ATRNL1: variants seen among roughly 807,000 people sequenced by gnomAD.
ATRNL1 encodes the protein attractin-like protein 1.
In ATRNL1, 95 loss-of-function variants were observed where a neutral mutation model predicts 182.7. That is an observed-to-expected ratio of 0.52 (90% CI 0.44 to 0.62). The LOEUF is 0.62. ATRNL1 is among the 20% of genes least tolerant of loss of function. ATRNL1 has a pLI of 0.00. For synonymous variants in ATRNL1, 576 were observed against 568.3 expected, an observed-to-expected ratio of 1.01 and a Z score of -0.19; for missense variants, 1,471 against 1,679.5, an observed-to-expected ratio of 0.88 and a Z score of 2.17.
chr10:115,434,396 C>T (rs1204626184), intron 21 of ATRNL1, among the ~76,000 whole-genome samples: 5 of 151,922 alleles, frequency 3.3e-5, no homozygotes, highest in Non-Finnish European at 7.4e-5. Context: ...CTTATTATTC[C>T]CATTTTATAG....
chr10:115,924,379 G>A (rs1953156596), intron 28 of ATRNL1, among the ~76,000 whole-genome samples: 2 of 151,796 alleles, frequency 1.3e-5, no homozygotes, highest in African/African-American at 4.8e-5. Context: ...TTAATGGATT[G>A]GGGTTTTACA....
intron 26 of ATRNL1, among the ~76,000 whole-genome samples, chr10:115,595,906 A>G (rs1555013790): frequency 6.6e-6 from 1 of 152,198 alleles, no homozygotes; most frequent in Non-Finnish European, 1.5e-5. Flanking sequence ...TTTCACTAAT[A>G]TATCAGACAA....
intron 1 of ATRNL1, among the ~76,000 whole-genome samples, chr10:115,098,932 A>G (rs2085089488): frequency 1.3e-5 from 2 of 152,232 alleles, no homozygotes; most frequent in Admixed American, 1.3e-4. Flanking sequence ...ATAATTGTCA[A>G]ACAGCACAAT....
intron 27 of ATRNL1, among the ~76,000 whole-genome samples, chr10:115,814,365 A>G (rs1212442607): frequency 2.6e-5 from 4 of 152,180 alleles, no homozygotes; most frequent in Non-Finnish European, 5.9e-5. Flanking sequence ...GAGAATTTTC[A>G]AGACTCATTA....
intron 20 of ATRNL1, among the ~76,000 whole-genome samples, chr10:115,425,129 G>A (rs1241220751): frequency 6.6e-6 from 1 of 151,870 alleles, no homozygotes; most frequent in African/African-American, 2.4e-5. Flanking sequence ...GCACATGGCT[G>A]AAAAATGCAT....
In ATRNL1 at chr10:115,565,486, A is replaced by G. The variant is rs554569181; in HGVS notation, c.3795+15950A>G. The stretch of plus-strand genomic sequence containing the variant: ...TGGTTATTATGTTATGCAAGTATAC[A>G]TTTGTACCATGTTATTGTGTTGAGT... On this transcript the variant is annotated intron_variant, in intron 26 of 28. Coordinates refer to ENST00000355044, the MANE Select transcript of ATRNL1 (RefSeq NM_207303.4). Among the ~76,000 whole-genome samples, 3 of 152,236 alleles carry G rather than the reference A, an allele frequency of 2.0e-5. No homozygotes were observed. In the East Asian group the frequency reaches 5.8e-4, roughly 29 times the overall value.
chr10:115,620,731 G>C (rs1857685282), intron 26 of ATRNL1, among the ~76,000 whole-genome samples: 1 of 152,046 alleles, frequency 6.6e-6, no homozygotes, highest in Non-Finnish European at 1.5e-5. Flanking sequence ...ATTTATTAAG[G>C]TATTTCTGAC....
intron 9 of ATRNL1, among the ~76,000 whole-genome samples, chr10:115,231,586 G>A (rs1849955217): frequency 6.6e-6 from 1 of 152,132 alleles, no homozygotes; most frequent in Non-Finnish European, 1.5e-5. Context: ...TCAAGAAGAT[G>A]TAAGAAATGA....
intron 19 of ATRNL1, among the ~76,000 whole-genome samples, chr10:115,368,944 C>T (rs1448841070): frequency 6.6e-6 from 1 of 151,986 alleles, no homozygotes; most frequent in African/African-American, 2.4e-5. Flanking sequence ...GAACTCCTGA[C>T]CTCAGGTGAT....
rs189998902 is a variant in ATRNL1 at position 115,291,286 on chromosome 10, A to G, written c.2415+4889A>G. Among the ~76,000 whole-genome samples, 112 of 152,208 alleles carry G rather than the reference A, an allele frequency of 7.4e-4. 1 individual carries two copies. The highest frequency in any genetic ancestry group is 1.5e-3 in the Non-Finnish European group (101 of 68,006). The stretch of plus-strand genomic sequence containing the variant: ...GGACACTTTGACTTCTTCTGTTTCA[A>G]TTTGGATGTCTTTTATTTCTTCTGT... On this transcript the variant is annotated intron_variant, in intron 15 of 28. Transcript: ENST00000355044.
chr10:115,160,616 A>G (rs1213156455), intron 6 of ATRNL1, among the ~76,000 whole-genome samples: 1 of 151,766 alleles, frequency 6.6e-6, no homozygotes, highest in African/African-American at 2.4e-5. Flanking sequence ...TTTACTTTGT[A>G]TGTGCTTTAC....
intron 26 of ATRNL1, among the ~76,000 whole-genome samples, chr10:115,667,041 A>C (rs77640633): frequency 6.6e-6 from 1 of 152,092 alleles, no homozygotes; most frequent in Non-Finnish European, 1.5e-5. Flanking sequence ...CTTTTATATG[A>C]ATATGTACAT....
chr10:115,776,168 A>G lies in ATRNL1; in HGVS notation c.3903+48813A>G, dbSNP rs531771841. On this transcript the variant is annotated intron_variant, in intron 27 of 28. Coordinates refer to ENST00000355044, the MANE Select transcript of ATRNL1 (RefSeq NM_207303.4). ...TTAAAATAAATGAGATAGTTCAGGA[A>G]TAAGTGGTATATTATCTAGCGAGTA... 1.6e-3 allele frequency among the ~76,000 whole-genome samples: 243 copies of G among 152,292 alleles called. 11 individuals carry two copies. In the South Asian group the frequency reaches 0.049, roughly 31 times the overall value.
intron 26 of ATRNL1, among the ~76,000 whole-genome samples, chr10:115,590,128 C>T (rs1331669576): frequency 2.6e-5 from 4 of 152,100 alleles, no homozygotes; most frequent in Non-Finnish European, 5.9e-5. Context: ...AGAGCCTGAT[C>T]GTTAAAAGAT....
chr10:115,313,300 T>G (rs1554928537), intron 17 of ATRNL1, among the ~76,000 whole-genome samples: 3 of 152,126 alleles, frequency 2.0e-5, no homozygotes, highest in African/African-American at 7.2e-5. Context: ...CAACTGTGCT[T>G]TTTTCATTTC....
chr10:115,209,422 G>GT (rs76528860), intron 8 of ATRNL1, among the ~76,000 whole-genome samples: 2,700 of 119,030 alleles, frequency 0.023, 40 homozygotes, highest in African/African-American at 0.048. Context: ...TTTTTATTTT[G>GT]TTTTTTTTTT....
At chr10:115,361,549 C>T (rs1391129717) in intron 19 of ATRNL1, among the ~76,000 whole-genome samples, 11 of 152,140 alleles carry the variant, frequency 7.2e-5, no homozygotes, top group Admixed American at 7.2e-4. Flanking sequence ...CATGTATTTT[C>T]ATACATATGC....
At chr10:115,601,261 A>G (rs1050900986) in intron 26 of ATRNL1, among the ~76,000 whole-genome samples, 12 of 152,176 alleles carry the variant, frequency 7.9e-5, no homozygotes, top group African/African-American at 2.9e-4. Flanking sequence ...GACCATATAC[A>G]TATCATTGTA....
At chr10:115,231,500 G>A (rs782501490) in intron 9 of ATRNL1, among the ~76,000 whole-genome samples, 1 of 152,064 alleles carries the variant, frequency 6.6e-6, no homozygotes, top group Non-Finnish European at 1.5e-5. Context: ...GGTAACAAGT[G>A]GTAAGGGATG....
Sources: gnomAD v4.1 joint callset for allele counts (sites outside exome capture counted in the v4.1 genomes callset) on GRCh38, gnomAD v4.1.1 for gene constraint, MANE v1.5 for transcripts, NCBI Gene and HGNC (gene_info 2026-07-23, HGNC 2026-07-21) for gene names.